The following SKAP1 variants were observed in gnomAD, a reference collection of about 807,000 sequenced individuals.
SKAP1 encodes the protein src kinase-associated phosphoprotein 1.
A neutral mutation model predicts 58.5 loss-of-function variants in SKAP1; 44 were observed. The ratio of observed to expected loss-of-function variants is 0.75; its 90% CI spans 0.59 to 0.97. SKAP1 has a LOEUF of 0.97. Ranked by LOEUF, SKAP1 falls within the 50% of genes least tolerant of loss-of-function variation. SKAP1 has a pLI of 0.00. For missense variants in SKAP1, 390 were observed against 435.2 expected (o/e 0.90, Z 0.92); for synonymous variants, 127 against 149.7 (o/e 0.85, Z 1.11).
At chr17:48,182,309 T>C in intron 8 of SKAP1, 85 bp downstream of exon 8, 2 of 963,152 alleles carry the variant, frequency 2.1e-6, no homozygotes, top group Non-Finnish European at 3.2e-6. Flanking sequence ...AAAAAATACA[T>C]ACTGAAGTCT....
At chr17:48,339,837 T>C (rs1036781621) in intron 4 of SKAP1, among the ~76,000 whole-genome samples, 82 of 152,140 alleles carry the variant, frequency 5.4e-4, no homozygotes, top group Non-Finnish European at 2.2e-4. Context: ...TGACTCACAA[T>C]AATGGGGATC....
chr17:48,210,328 T>G (rs2064856926), intron 4 of SKAP1, among the ~76,000 whole-genome samples: 1 of 152,138 alleles, frequency 6.6e-6, no homozygotes, highest in South Asian at 2.1e-4. Context: ...ACCCCAGATA[T>G]ACTGATTCAG....
intron 4 of SKAP1, among the ~76,000 whole-genome samples, chr17:48,235,045 T>G (rs894906738): frequency 6.6e-6 from 1 of 152,204 alleles, no homozygotes; most frequent in Non-Finnish European, 1.5e-5. Flanking sequence ...TAATAGGAGC[T>G]CAAGAAATGT....
intron 1 of SKAP1, among the ~76,000 whole-genome samples, chr17:48,419,850 G>A (rs2067774634): frequency 6.6e-6 from 1 of 152,046 alleles, no homozygotes; most frequent in African/African-American, 2.4e-5. Context: ...ACAATGTTAG[G>A]AGGAGACCCT....
At chr17:48,175,531 A>G (rs1263862400) in intron 9 of SKAP1, among the ~76,000 whole-genome samples, 3 of 152,244 alleles carry the variant, frequency 2.0e-5, no homozygotes, top group African/African-American at 4.8e-5. Context: ...CTCAACTGTT[A>G]GCTCAAAATA....
intron 10 of SKAP1, among the ~76,000 whole-genome samples, chr17:48,169,408 G>A (rs1165171658): frequency 6.6e-6 from 1 of 152,188 alleles, no homozygotes; most frequent in African/African-American, 2.4e-5. Flanking sequence ...GAACATGGGC[G>A]GGTCAGAACA....
intron 4 of SKAP1, among the ~76,000 whole-genome samples, chr17:48,324,670 T>C (rs1234075612): frequency 1.3e-5 from 2 of 152,102 alleles, no homozygotes; most frequent in Non-Finnish European, 2.9e-5. Context: ...CTCAGGTATT[T>C]CTCCTGTTTC....
At chr17:48,265,512 GCA>G (rs2065536674) in intron 4 of SKAP1, among the ~76,000 whole-genome samples, 2 of 151,102 alleles carry the variant, frequency 1.3e-5, no homozygotes, top group South Asian at 2.1e-4. Context: ...AAGCAAGCAA[GCA>G]AGCAAGCAAG....
intron 11 of SKAP1, among the ~76,000 whole-genome samples, chr17:48,158,171 C>CGA (rs2064007708): frequency 1.2e-5 from 1 of 80,830 alleles, no homozygotes; most frequent in African/African-American, 5.9e-5. Context: ...GAGCAAAACT[C>CGA]TGTCTCAAAA....
intron 4 of SKAP1, among the ~76,000 whole-genome samples, chr17:48,270,060 A>G (rs7214761): frequency 0.79 from 120,270 of 151,966 alleles, 47,738 homozygotes; most frequent in East Asian, 0.95. Context: ...GCAGTGAGCC[A>G]AGATGGCACC....
At chr17:48,205,001 CTTTCTTTCTTTCTT>C (rs200051587) in intron 4 of SKAP1, among the ~76,000 whole-genome samples, 1,930 of 42,466 alleles carry the variant, frequency 0.045, 29 homozygotes, top group East Asian at 0.12. Flanking sequence ...TTCTTTCTTT[CTTTCTTTCTTTCTT>C]TTTCTTTCTT....
chr17:48,139,414 C>T (rs2063741837), intron 11 of SKAP1, among the ~76,000 whole-genome samples: 1 of 150,432 alleles, frequency 6.6e-6, no homozygotes, highest in Non-Finnish European at 1.5e-5. Context: ...AGCTCCTGAC[C>T]TCGTCATCCA....
At chr17:48,291,625 G>C (rs1158844545) in intron 4 of SKAP1, among the ~76,000 whole-genome samples, 1 of 152,184 alleles carries the variant, frequency 6.6e-6, no homozygotes, top group Non-Finnish European at 1.5e-5. Context: ...GTGCCATCTG[G>C]CTCTATAGAT....
intron 4 of SKAP1, among the ~76,000 whole-genome samples, chr17:48,204,989 CTTTCTTTCTTTCTTTCTTTCTTTCTT>C (rs1394835084): frequency 7.2e-5 from 4 of 55,912 alleles, no homozygotes; most frequent in Non-Finnish European, 1.0e-4. Context: ...TTCTTTCTTT[CTTTCTTTCTTTCTTTCTTTCTTTCTT>C]TTTCTTTCTT....
At chr17:48,205,864 G>A (rs1281779501) in intron 4 of SKAP1, among the ~76,000 whole-genome samples, 1 of 152,120 alleles carries the variant, frequency 6.6e-6, no homozygotes, top group East Asian at 1.9e-4. Flanking sequence ...AAAGTCTCAA[G>A]AAATTGACCT....
chr17:48,437,597 C>T, the SKAP1 span, among the ~76,000 whole-genome samples: 5 of 151,914 alleles, frequency 3.3e-5, no homozygotes, highest in Admixed American at 2.6e-4. Context: ...AAAAAATTAG[C>T]CGGAAATGGT....
intron 4 of SKAP1, among the ~76,000 whole-genome samples, chr17:48,284,827 T>A (rs2065810870): frequency 6.6e-6 from 1 of 152,194 alleles, no homozygotes; most frequent in African/African-American, 2.4e-5. Context: ...ACATACATGG[T>A]AAGACTGAAA....
intron 10 of SKAP1, among the ~76,000 whole-genome samples, chr17:48,166,037 G>A (rs995508447): frequency 6.6e-6 from 1 of 152,048 alleles, no homozygotes; most frequent in Non-Finnish European, 1.5e-5. Flanking sequence ...AATATATTCA[G>A]CATAAAACAG....
intron 1 of SKAP1, among the ~76,000 whole-genome samples, chr17:48,397,984 C>T (rs540622173): frequency 2.6e-5 from 4 of 152,060 alleles, no homozygotes; most frequent in Admixed American, 6.5e-5. Flanking sequence ...CCCCCAAAAG[C>T]GTATAAATAA....
Sources: gnomAD v4.1 joint callset for allele counts (sites outside exome capture counted in the v4.1 genomes callset) on GRCh38, gnomAD v4.1.1 for gene constraint, MANE v1.5 for transcripts, NCBI Gene and HGNC (gene_info 2026-07-23, HGNC 2026-07-21) for gene names.